The following SGCZ variants were observed in gnomAD, a reference collection of about 807,000 sequenced individuals.
SGCZ encodes zeta-sarcoglycan.
Under a neutral mutation model 41.3 loss-of-function variants are expected in SGCZ, and 40 were observed. The observed-to-expected ratio is 0.97, with a 90% CI of 0.75 to 1.26. The LOEUF is 1.26. Ranked by LOEUF, SGCZ falls within the 50% of genes most tolerant of loss-of-function variation. The pLI, the probability that SGCZ is intolerant of heterozygous loss-of-function variation, is 0.00. For missense variants in SGCZ, 552 were observed against 369.8 expected (o/e 1.49, Z -4.04); for synonymous variants, 206 against 137.5 (o/e 1.50, Z -3.49).
At chr8:14,273,689 T>G (rs1800131539) in intron 3 of SGCZ, among the ~76,000 whole-genome samples, 1 of 152,174 alleles carries the variant, frequency 6.6e-6, no homozygotes, top group Non-Finnish European at 1.5e-5. Flanking sequence ...TGCTATGATG[T>G]GTTGGGTAAA....
chr8:14,449,971 A>G (rs558868099), intron 2 of SGCZ, among the ~76,000 whole-genome samples: 3 of 152,252 alleles, frequency 2.0e-5, no homozygotes, highest in Admixed American at 6.5e-5. Flanking sequence ...AATGTAGCAT[A>G]TAATGGTGCA....
chr8:15,155,228 G>A (rs1243772772), intron 1 of SGCZ, among the ~76,000 whole-genome samples: 4 of 152,210 alleles, frequency 2.6e-5, no homozygotes, highest in African/African-American at 9.6e-5. Context: ...CCGGGAGGCA[G>A]AGGTTGCAGT....
At chr8:15,021,578 C>A (rs12550664) in intron 1 of SGCZ, among the ~76,000 whole-genome samples, 68,468 of 152,008 alleles carry the variant, frequency 0.45, 15,930 homozygotes, top group African/African-American at 0.55. Flanking sequence ...TCTACTGAAA[C>A]ACTGTATGGG....
chr8:14,670,794 G>A (rs1348401240), intron 1 of SGCZ, among the ~76,000 whole-genome samples: 1 of 152,160 alleles, frequency 6.6e-6, no homozygotes, highest in Non-Finnish European at 1.5e-5. Flanking sequence ...ATGAAACTGG[G>A]ACCTAAAGGT....
At chr8:15,075,367 G>A (rs1203226546) in intron 1 of SGCZ, among the ~76,000 whole-genome samples, 1 of 152,044 alleles carries the variant, frequency 6.6e-6, no homozygotes, top group African/African-American at 2.4e-5. Flanking sequence ...TTTTTAAAAT[G>A]CCCTGACATT....
intron 2 of SGCZ, among the ~76,000 whole-genome samples, chr8:14,374,936 T>A (rs1342569884): frequency 6.6e-6 from 1 of 152,054 alleles, no homozygotes; most frequent in Non-Finnish European, 1.5e-5. Context: ...GAGATGGAAA[T>A]CAATAAAGGG....
intron 2 of SGCZ, among the ~76,000 whole-genome samples, chr8:14,536,201 A>G (rs1428929096): frequency 6.6e-6 from 1 of 151,910 alleles, no homozygotes; most frequent in Non-Finnish European, 1.5e-5. Context: ...ATGAAAAGGT[A>G]CATTTCCAGA....
chr8:14,550,948 C>T (rs1035438567), intron 2 of SGCZ, among the ~76,000 whole-genome samples: 44 of 151,954 alleles, frequency 2.9e-4, no homozygotes, highest in African/African-American at 1.0e-3. Context: ...TTTCTTTCAG[C>T]CAACTTTCTT....
chr8:14,638,217 G>C (rs1053109098), intron 1 of SGCZ, among the ~76,000 whole-genome samples: 3 of 151,776 alleles, frequency 2.0e-5, no homozygotes, highest in Non-Finnish European at 4.4e-5. Context: ...CAGTTTGTCA[G>C]GATGTCCTGC....
chr8:14,630,714 C>T (rs553993264), intron 1 of SGCZ, among the ~76,000 whole-genome samples: 1 of 152,116 alleles, frequency 6.6e-6, no homozygotes, highest in Non-Finnish European at 1.5e-5. Flanking sequence ...AGTTCATGTC[C>T]TTTGTAGGGA....
intron 3 of SGCZ, among the ~76,000 whole-genome samples, chr8:14,252,125 A>C (rs1190437246): frequency 2.0e-5 from 3 of 151,986 alleles, no homozygotes; most frequent in African/African-American, 7.2e-5. Flanking sequence ...TATGTGTTAT[A>C]TCTTCCTTCA....
intron 4 of SGCZ, among the ~76,000 whole-genome samples, chr8:14,185,502 T>A (rs908092445): frequency 6.7e-6 from 1 of 149,702 alleles, no homozygotes; most frequent in Non-Finnish European, 1.5e-5. Context: ...TATACTTTAT[T>A]TTTTTTCAAA....
intron 1 of SGCZ, among the ~76,000 whole-genome samples, chr8:14,792,993 T>A (rs1036583066): frequency 6.6e-6 from 1 of 152,234 alleles, no homozygotes; most frequent in Non-Finnish European, 1.5e-5. Flanking sequence ...CTTACATTTA[T>A]TTGACAATGC....
At chr8:14,424,432 C>T (rs975751107) in intron 2 of SGCZ, among the ~76,000 whole-genome samples, 2 of 152,118 alleles carry the variant, frequency 1.3e-5, no homozygotes, top group African/African-American at 4.8e-5. Context: ...AGAAATTAAA[C>T]GTCCTATCAA....
At chr8:14,881,950 A>G (rs530884161) in intron 1 of SGCZ, among the ~76,000 whole-genome samples, 2 of 152,322 alleles carry the variant, frequency 1.3e-5, no homozygotes, top group African/African-American at 4.8e-5. Context: ...CTACATGGAA[A>G]TTGAACAACC....
chr8:14,803,084 C>A (rs1265615653), intron 1 of SGCZ, among the ~76,000 whole-genome samples: 1 of 152,158 alleles, frequency 6.6e-6, no homozygotes, highest in Non-Finnish European at 1.5e-5. Context: ...ATTTTACCAC[C>A]CATGGGGCCT....
In SGCZ at chr8:14,102,374, A is replaced by G; in HGVS notation, c.744+2T>C. The G allele has an allele frequency of 6.8e-7, 1 of 1,478,650 alleles. No individual in the cohort carries two copies. Among genetic ancestry groups the G allele is most frequent in the Non-Finnish European group, 9.1e-7 (1 of 1,098,404 alleles). The allele number at this position is 1,478,650 out of a possible 1,614,324, so 91.6% of individuals were successfully genotyped here. ...GCGAGGGTCCAACTTTCTGGGACTC[A>G]CCTCCCCTTCTGTAGATTGCAGATG... is the stretch of plus-strand genomic sequence containing the variant. On this transcript the variant is annotated splice_donor_variant, in intron 7 of 7. Transcript: ENST00000382080. LOFTEE classifies it high-confidence loss of function.
chr8:15,172,031 G>C (rs1269770700), intron 1 of SGCZ, among the ~76,000 whole-genome samples: 2 of 151,316 alleles, frequency 1.3e-5, no homozygotes, highest in East Asian at 3.9e-4. Context: ...TGAAAACAGA[G>C]ATTTCTATGT....
At chr8:14,497,958 T>C (rs1802040799) in intron 2 of SGCZ, among the ~76,000 whole-genome samples, 2 of 152,336 alleles carry the variant, frequency 1.3e-5, no homozygotes, top group Middle Eastern at 3.4e-3. Flanking sequence ...AAGGTTGTTT[T>C]TCCTCATATC....
Sources: gnomAD v4.1 joint callset for allele counts (sites outside exome capture counted in the v4.1 genomes callset) on GRCh38, gnomAD v4.1.1 for gene constraint, MANE v1.5 for transcripts, NCBI Gene and HGNC (gene_info 2026-07-23, HGNC 2026-07-21) for gene names.